The following IFTAP variants were observed in gnomAD, a reference collection of about 807,000 sequenced individuals.
IFTAP encodes intraflagellar transport associated protein.
A neutral mutation model predicts 19.4 loss-of-function variants in IFTAP; 19 were observed. The observed-to-expected ratio is 0.98, with a 90% CI of 0.68 to 1.44. The LOEUF is 1.44. Among genes scored for constraint, IFTAP ranks in the 40% most tolerant of loss-of-function variants. The pLI is 0.00. For synonymous variants in IFTAP, 85 were observed against 83.5 expected (o/e 1.02, Z -0.10); for missense variants, 240 against 253.6 (o/e 0.95, Z 0.36).
At chr11:36,621,079 A>G (rs961317474) in intron 2 of IFTAP, among the ~76,000 whole-genome samples, 5 of 151,916 alleles carry the variant, frequency 3.3e-5, no homozygotes, top group South Asian at 2.1e-4. Context: ...AAGTGGGTGC[A>G]TATTTGTTTT....
chr11:36,595,035 T>A (rs1023290798), intron 1 of IFTAP: 5 of 152,210 alleles, frequency 3.3e-5, no homozygotes, highest in African/African-American at 9.7e-5. Context: ...CTGTTAAAGA[T>A]GTTTACCACT....
intron 2 of IFTAP, among the ~76,000 whole-genome samples, chr11:36,631,799 T>C (rs73437973): frequency 0.11 from 16,517 of 151,046 alleles, 1,397 homozygotes; most frequent in African/African-American, 0.16. Context: ...ATCACTCTTT[T>C]ACTCTTTTAG....
intron 1 of IFTAP, among the ~76,000 whole-genome samples, chr11:36,604,413 T>A (rs1002322739): frequency 6.6e-6 from 1 of 152,178 alleles, no homozygotes; most frequent in Non-Finnish European, 1.5e-5. Flanking sequence ...AATTGTATGT[T>A]TTTTATTTCA....
chr11:36,597,542 CT>C (rs553157692), intron 1 of IFTAP: 9 of 152,314 alleles, frequency 5.9e-5, no homozygotes, highest in African/African-American at 2.2e-4. Context: ...TTCATTTATT[CT>C]CTCTGATGCT....
chr11:36,606,887 T>C (rs1851712760), intron 1 of IFTAP, among the ~76,000 whole-genome samples: 1 of 152,264 alleles, frequency 6.6e-6, no homozygotes, highest in African/African-American at 2.4e-5. Flanking sequence ...CCTTTGAGTT[T>C]ACTTATCATT....
chr11:36,625,799 C>G, intron 2 of IFTAP, among the ~76,000 whole-genome samples: 1 of 152,022 alleles, frequency 6.6e-6, no homozygotes, highest in East Asian at 1.9e-4. Flanking sequence ...TGAGTGCTGG[C>G]AGGAGGATTT....
At chr11:36,603,471 A>G (rs762571117) in intron 1 of IFTAP, among the ~76,000 whole-genome samples, 4 of 152,132 alleles carry the variant, frequency 2.6e-5, no homozygotes, top group Non-Finnish European at 5.9e-5. Flanking sequence ...AAAATTATAG[A>G]TTCACAAGAT....
intron 1 of IFTAP, among the ~76,000 whole-genome samples, chr11:36,608,848 G>A (rs1565007156): frequency 1.3e-5 from 2 of 152,184 alleles, no homozygotes; most frequent in African/African-American, 4.8e-5. Context: ...GAGGATTTAA[G>A]GACTTGAAAC....
intron 4 of IFTAP, among the ~76,000 whole-genome samples, chr11:36,644,218 C>T (rs1853365919): frequency 1.3e-5 from 2 of 152,170 alleles, no homozygotes; most frequent in African/African-American, 2.4e-5. Flanking sequence ...CAAAAGAAGA[C>T]ATTTATGCAG....
At chr11:36,611,595 G>A (rs1192022481) in intron 2 of IFTAP, among the ~76,000 whole-genome samples, 2 of 150,618 alleles carry the variant, frequency 1.3e-5, no homozygotes, top group Non-Finnish European at 2.9e-5. Flanking sequence ...TAGTTATAAC[G>A]AAAAGAAAAT....
intron 5 of IFTAP, 26 bp downstream of exon 5, chr11:36,648,181 C>T: frequency 1.2e-6 from 2 of 1,605,896 alleles, no homozygotes; most frequent in Non-Finnish European, 1.7e-6. Flanking sequence ...TTCAGTCATT[C>T]TCCACACTGC....
chr11:36,622,453 T>C (rs1360982152), intron 2 of IFTAP, among the ~76,000 whole-genome samples: 1 of 152,134 alleles, frequency 6.6e-6, no homozygotes, highest in African/African-American at 2.4e-5. Flanking sequence ...AATAATTTAC[T>C]ATGTTGCTTT....
At chr11:36,622,100 T>G (rs1242582109) in intron 2 of IFTAP, among the ~76,000 whole-genome samples, 1 of 151,430 alleles carries the variant, frequency 6.6e-6, no homozygotes, top group African/African-American at 2.4e-5. Flanking sequence ...ATTTTTTTTT[T>G]TGTGAAGGCT....
intron 5 of IFTAP, among the ~76,000 whole-genome samples, chr11:36,657,624 G>C (rs1052787359): frequency 6.6e-6 from 1 of 152,202 alleles, no homozygotes; most frequent in African/African-American, 2.4e-5. Flanking sequence ...ATTTGAAGCA[G>C]ATTACCCTGG....
intron 2 of IFTAP, among the ~76,000 whole-genome samples, chr11:36,614,577 C>T (rs2133389222): frequency 6.7e-6 from 1 of 148,686 alleles, no homozygotes; most frequent in South Asian, 2.1e-4. Flanking sequence ...CTCTCCAGCG[C>T]CTGTTGTTTC....
intron 1 of IFTAP, among the ~76,000 whole-genome samples, chr11:36,597,026 A>G (rs549190169): frequency 6.6e-6 from 1 of 152,292 alleles, no homozygotes; most frequent in Non-Finnish European, 1.5e-5. Context: ...TCAAGGCCCT[A>G]AAAACAGTGG....
At chr11:36,618,255 A>G (rs1852166407) in intron 2 of IFTAP, among the ~76,000 whole-genome samples, 1 of 151,968 alleles carries the variant, frequency 6.6e-6, no homozygotes, top group African/African-American at 2.4e-5. Context: ...CCAACCCAGT[A>G]TGACTGGTGT....
At chr11:36,648,195 G>A (rs1308803833) in intron 5 of IFTAP, 40 bp downstream of exon 5, 2 of 1,587,452 alleles carry the variant, frequency 1.3e-6, no homozygotes, top group Admixed American at 3.5e-5. Flanking sequence ...ACACTGCCTT[G>A]ATTTTGTAAT....
At chr11:36,603,026 G>T (rs961854199) in intron 1 of IFTAP, among the ~76,000 whole-genome samples, 2 of 152,114 alleles carry the variant, frequency 1.3e-5, no homozygotes, top group Admixed American at 6.5e-5. Context: ...TTGTTTAAAA[G>T]AATTAATAAC....
Sources: gnomAD v4.1 joint callset for allele counts (sites outside exome capture counted in the v4.1 genomes callset) on GRCh38, gnomAD v4.1.1 for gene constraint, MANE v1.5 for transcripts, NCBI Gene and HGNC (gene_info 2026-07-23, HGNC 2026-07-21) for gene names.